COLQ: variants seen among roughly 807,000 people sequenced by gnomAD.
The protein encoded by COLQ is collagen like tail subunit of asymmetric acetylcholinesterase, also known as acetylcholinesterase collagenic tail peptide.
In COLQ, 48 loss-of-function variants were observed where a neutral mutation model predicts 69.0. The ratio of observed to expected loss-of-function variants is 0.70; its 90% confidence interval spans 0.55 to 0.88. The LOEUF (loss-of-function observed/expected upper bound fraction) is 0.88. COLQ is among the 40% of genes least tolerant of loss of function. COLQ has a pLI of 0.00. For synonymous variants in COLQ, 217 were observed against 211.2 expected, an observed-to-expected ratio of 1.03 and a Z score of -0.24; for missense variants, 618 against 594.6, an observed-to-expected ratio of 1.04 and a Z score of -0.41.
intron 14 of COLQ, 100 bp from the exon 15 acceptor site, chr3:15,456,119 C>A: frequency 7.4e-7 from 1 of 1,357,816 alleles, no homozygotes. Flanking sequence ...TGCTGGGGGG[C>A]ATGCCTTGAC....
chr3:15,466,992 A>C (rs9852568), intron 11 of COLQ, among the ~76,000 whole-genome samples: 4,407 of 152,302 alleles, frequency 0.029, 191 homozygotes, highest in African/African-American at 0.097. Context: ...CCCTATGGCA[A>C]AGCCTTCCCT....
rs773862785 is a variant in COLQ at position 15,488,316 on chromosome 3, C to T, written c.220-9G>A. On this transcript the variant is annotated splice_polypyrimidine_tract_variant and intron_variant, in intron 2 of 16. Transcript: ENST00000383788. Reference sequence around the variant, plus strand: ...ATGTCTGGGGAGAGAAGCTTCAGTACAAAGCAACACAGAGTTAGAGGTCAG... The same window carrying T: ...ATGTCTGGGGAGAGAAGCTTCAGTATAAAGCAACACAGAGTTAGAGGTCAG... 6.2e-7 allele frequency: 1 copy of T among 1,611,358 alleles called. No individual in the cohort carries two copies.
chr3:15,518,966 C>T (rs1298388186), intron 1 of COLQ, among the ~76,000 whole-genome samples: 1 of 152,118 alleles, frequency 6.6e-6, no homozygotes, highest in African/African-American at 2.4e-5. Flanking sequence ...AGTCTATAAG[C>T]TTCTGAATAT....
chr3:15,510,218 C>G (rs528262640), intron 1 of COLQ, among the ~76,000 whole-genome samples: 36 of 151,986 alleles, frequency 2.4e-4, no homozygotes, highest in African/African-American at 7.7e-4. Flanking sequence ...ATGAAACATC[C>G]CAGGAGGAGG....
chr3:15,494,857 C>T (rs541647334), intron 1 of COLQ, among the ~76,000 whole-genome samples: 8 of 152,292 alleles, frequency 5.3e-5, no homozygotes, highest in East Asian at 1.9e-4. Flanking sequence ...ACTCCACAAA[C>T]GTTTGCTGAA....
At position 15,473,984 on chromosome 3, in the gene COLQ, C is replaced by T. The variant is rs2062333401; in HGVS notation, c.636+16G>A. 1.2e-6 allele frequency: 2 copies of T among 1,614,044 alleles called. No homozygotes were observed. Among genetic ancestry groups the T allele is most frequent in the Non-Finnish European group, 1.7e-6 (2 of 1,179,936 alleles). The stretch of plus-strand genomic sequence containing the variant: ...TTTTTATTGAGGCCTATTTTCACTA[C>T]CTCAAGGTTACTTACTTTCTGCCCC... On this transcript the variant is annotated intron_variant, in intron 10 of 16. Transcript: ENST00000383788. This position sits in a 1 kb window ranked among gnomAD's most constrained non-coding sequence, Gnocchi z 4.0.
At chr3:15,503,607 G>A (rs1257675634) in intron 1 of COLQ, among the ~76,000 whole-genome samples, 1 of 152,106 alleles carries the variant, frequency 6.6e-6, no homozygotes, top group East Asian at 1.9e-4. Context: ...GCCAACAATG[G>A]GACACATTCC....
chr3:15,500,377 T>G (rs1407179930), intron 1 of COLQ, among the ~76,000 whole-genome samples: 1 of 152,208 alleles, frequency 6.6e-6, no homozygotes, highest in Non-Finnish European at 1.5e-5. Flanking sequence ...CAGCTCTTCA[T>G]TTTTCAAATT....
At chr3:15,472,674 A>G (rs897850056) in intron 10 of COLQ, among the ~76,000 whole-genome samples, 4 of 152,150 alleles carry the variant, frequency 2.6e-5, no homozygotes, top group African/African-American at 9.7e-5. Flanking sequence ...TTATTCTCTG[A>G]CATTCCCCCT....
At chr3:15,472,438 A>G (rs2062303256) in intron 10 of COLQ, among the ~76,000 whole-genome samples, 1 of 152,248 alleles carries the variant, frequency 6.6e-6, no homozygotes, top group Admixed American at 6.5e-5. Flanking sequence ...ACTGACTAGA[A>G]AAGGTAAGAT....
chr3:15,466,383 C>T lies in COLQ; in HGVS notation c.772G>A (p.Gly258Ser), dbSNP rs1199670846. ...GGGGGCCCCGGACGGCCAGGTTGAC[C>T]AGAAGGCCCAGGCTTGCCTGGTGGG... ...MGPPGKPGPS[G>S]QPGRPGPPGP... The change falls in exon 12 of 17, where the codon GGT becomes AGT. Residue 258 changes from glycine (G) to serine (S), a missense_variant. Physicochemically the swap from Gly to Ser is moderately conservative, Grantham distance 56. Transcript: ENST00000383788. 6.2e-7 allele frequency: 1 copy of T among 1,614,032 alleles called. No individual in the cohort carries two copies. The highest frequency in any genetic ancestry group is 2.2e-5 in the East Asian group (1 of 44,900).
intron 14 of COLQ, 101 bp downstream of exon 14, chr3:15,456,359 A>G (rs2062025134): frequency 1.3e-6 from 2 of 1,519,878 alleles, no homozygotes; most frequent in Non-Finnish European, 1.8e-6. Context: ...CAGACTGTAG[A>G]AAGCCCTCCC....
chr3:15,484,352 G>A (rs967151819), intron 3 of COLQ, among the ~76,000 whole-genome samples: 8 of 152,222 alleles, frequency 5.3e-5, no homozygotes, highest in Non-Finnish European at 1.0e-4. Context: ...GCTGGTACCA[G>A]TTGTTCCTTT....
intron 1 of COLQ, among the ~76,000 whole-genome samples, chr3:15,506,121 T>C (rs2062907870): frequency 2.0e-5 from 3 of 152,168 alleles, no homozygotes. Context: ...GTTGATCCCT[T>C]TGGACTCAGT....
intron 1 of COLQ, among the ~76,000 whole-genome samples, chr3:15,503,825 T>C (rs990427291): frequency 1.3e-5 from 2 of 151,764 alleles, no homozygotes; most frequent in Admixed American, 6.6e-5. Flanking sequence ...ACGGTGGAGA[T>C]CTTCCTCCAC....
rs34310832 is a variant in COLQ, at chr3:15,470,323, A to C, written c.717+213T>G. 9.4e-3 allele frequency among the ~76,000 whole-genome samples: 1,432 copies of C among 152,318 alleles called. 40 individuals are homozygous for C. The highest frequency in any genetic ancestry group is 0.066 in the Admixed American group (1,009 of 15,294). ...TGCTTCTGGCCTTGGCACAGTTCAC[A>C]TGGAGCATCCTATCCCATCCACTTC... is the stretch of plus-strand genomic sequence containing the variant. On this transcript the variant is annotated intron_variant, in intron 11 of 16. Transcript: ENST00000383788.
rs1258159632 is a variant in COLQ at position 15,456,695 on chromosome 3, G to T, written c.955-116C>A. ...GGGCTGCTCAACAGTGGGAAGAGGGGTTTGCACACTACACTCTAGCATTCC... is the reference window on the plus strand; with the variant it reads ...GGGCTGCTCAACAGTGGGAAGAGGGTTTTGCACACTACACTCTAGCATTCC... On this transcript the variant is annotated intron_variant, in intron 13 of 16. Transcript: ENST00000383788. 3 of 1,330,822 alleles carry T rather than the reference G, an allele frequency of 2.3e-6. No individual in the cohort carries two copies. In the South Asian group the frequency reaches 3.7e-5, roughly 16 times the overall value. 82.4% of individuals were successfully genotyped at this position (1,330,822 alleles called of 1,614,324 possible). A position where few individuals can be genotyped will look rare whatever the true frequency, so the allele number is the denominator to read the frequency against.
At chr3:15,454,102 C>T in intron 15 of COLQ, 171 bp from the exon 16 acceptor site, 1 of 634,710 alleles carries the variant, frequency 1.6e-6, no homozygotes, top group South Asian at 1.8e-5. Context: ...GGCTCTGGTC[C>T]CACAGCGATG....
In COLQ at chr3:15,477,196, C is replaced by A. The variant is rs1272787369; in HGVS notation, c.395G>T (p.Gly132Val). Residue 132 changes from glycine (G) to valine (V), a missense_variant and splice_region_variant, in exon 6 of 17, where the codon GGT becomes GTT. Gly to Val is a moderately radical substitution (Grantham distance 109). Coordinates refer to ENST00000383788, the MANE Select transcript of COLQ (RefSeq NM_005677.4). ...KGELGRPGRK[G>V]RPGPPGVPGM... ...AGGAACACCTGGGGGGCCAGGTCTA[C>A]CCTTCAAAGACCAAGAACAAAAGTC... 2 of 1,604,904 alleles carry A rather than the reference C, an allele frequency of 1.2e-6. No homozygotes were observed. The highest frequency in any genetic ancestry group is 1.7e-6 in the Non-Finnish European group (2 of 1,176,038).
Sources: gnomAD v4.1 joint callset for allele counts (sites outside exome capture counted in the v4.1 genomes callset) on GRCh38, gnomAD v4.1.1 for gene constraint, Gnocchi (gnomAD v3.1) non-coding constraint, MANE v1.5 for transcripts, NCBI Gene and HGNC (gene_info 2026-07-23, HGNC 2026-07-21) for gene names.